Variants in ARID2 observed in about 807,000 individuals in gnomAD.
ARID2 encodes AT-rich interactive domain-containing protein 2.
A neutral mutation model predicts 184.6 loss-of-function variants in ARID2; 32 were observed. The ratio of observed to expected loss-of-function variants is 0.17; its 90% CI spans 0.13 to 0.23. The LOEUF is 0.23. ARID2 is among the 10% of genes least tolerant of loss of function. The pLI, the probability that ARID2 is intolerant of heterozygous loss-of-function variation, is 1.00. For synonymous variants in ARID2, 836 were observed against 772.6 expected (o/e 1.08, Z -1.36); for missense variants, 1,696 against 2,197.6 (o/e 0.77, Z 4.56).
chr12:45,860,774 A>G (rs1943730105), intron 15 of ARID2, 27 bp from the exon 16 acceptor site: 3 of 1,462,452 alleles, frequency 2.1e-6, no homozygotes, highest in Non-Finnish European at 2.7e-6. Flanking sequence ...GTCATGTCAC[A>G]AACTCTGCAT....
chr12:45,743,450 C>T lies in ARID2; in HGVS notation c.284+12136C>T, dbSNP rs189249973. Among the ~76,000 whole-genome samples, 307 of 152,280 alleles carry T rather than the reference C, an allele frequency of 2.0e-3. 6 individuals carry two copies. The highest frequency in any genetic ancestry group is 0.019 in the Admixed American group (287 of 15,294). Reference sequence around the variant, plus strand: ...TCACAGGTGTAGTCATAGTATATGACAGCATTGAACTCTTACTTTCAAGCA... The same window carrying T: ...TCACAGGTGTAGTCATAGTATATGATAGCATTGAACTCTTACTTTCAAGCA... On this transcript the variant is annotated intron_variant, in intron 3 of 20. Transcript: ENST00000334344.
chr12:45,771,556 C>T (rs1485951221), intron 3 of ARID2, among the ~76,000 whole-genome samples: 1 of 151,600 alleles, frequency 6.6e-6, no homozygotes, highest in African/African-American at 2.4e-5. Context: ...GCCTGTAGTC[C>T]TAGCTGCTTG....
At chr12:45,762,172 G>A (rs1941695954) in intron 3 of ARID2, among the ~76,000 whole-genome samples, 1 of 152,042 alleles carries the variant, frequency 6.6e-6, no homozygotes, top group South Asian at 2.1e-4. Context: ...GTCAGTATGT[G>A]TTTCCCTTTC....
intron 12 of ARID2, among the ~76,000 whole-genome samples, chr12:45,847,788 A>G (rs1943471535): frequency 6.6e-6 from 1 of 152,014 alleles, no homozygotes; most frequent in Non-Finnish European, 1.5e-5. Flanking sequence ...CTTTGCTTAA[A>G]TCGGGTTTAT....
At chr12:45,795,283 TCTA>T (rs139327749) in intron 3 of ARID2, among the ~76,000 whole-genome samples, 1,726 of 152,250 alleles carry the variant, frequency 0.011, 11 homozygotes, top group Non-Finnish European at 0.018. Context: ...TCACCTCAAG[TCTA>T]CTCCTGTTCT....
chr12:45,734,340 G>C (rs11615136), intron 3 of ARID2, among the ~76,000 whole-genome samples: 1 of 152,258 alleles, frequency 6.6e-6, no homozygotes, highest in African/African-American at 2.4e-5. Context: ...CTGCACTCTA[G>C]TCTGGCCGAC....
intron 20 of ARID2, among the ~76,000 whole-genome samples, chr12:45,901,960 G>C (rs1000993215): frequency 1.3e-5 from 2 of 152,306 alleles, no homozygotes; most frequent in East Asian, 1.9e-4. Flanking sequence ...TTACAGGCGT[G>C]AGCCACCACG....
At chr12:45,810,979 G>A (rs1224254021) in intron 3 of ARID2, among the ~76,000 whole-genome samples, 1 of 152,134 alleles carries the variant, frequency 6.6e-6, no homozygotes, top group Non-Finnish European at 1.5e-5. Flanking sequence ...GGAGGCCGAG[G>A]TGGGTGGGTC....
intron 3 of ARID2, among the ~76,000 whole-genome samples, chr12:45,780,431 A>G (rs1942067689): frequency 6.6e-6 from 1 of 152,078 alleles, no homozygotes; most frequent in Non-Finnish European, 1.5e-5. Flanking sequence ...TGTGATTAGT[A>G]TCTGCTTTTT....
chr12:45,883,550 G>A (rs749445753), intron 16 of ARID2, among the ~76,000 whole-genome samples: 3 of 147,314 alleles, frequency 2.0e-5, no homozygotes, highest in Non-Finnish European at 4.5e-5. Flanking sequence ...TATCTAGTAT[G>A]CTTTCAGAAT....
At chr12:45,904,365 G>A (rs1944494361) in intron 20 of ARID2, 4 of 715,894 alleles carry the variant, frequency 5.6e-6, no homozygotes, top group Non-Finnish European at 1.0e-5. Context: ...GATTGAAAAA[G>A]AATTTTGCTG....
At chr12:45,836,132 A>G (rs1211755960) in intron 6 of ARID2, among the ~76,000 whole-genome samples, 3 of 152,204 alleles carry the variant, frequency 2.0e-5, no homozygotes, top group African/African-American at 2.4e-5. Context: ...TTAATTCCCT[A>G]GAATGTAGCA....
chr12:45,903,689 G>A (rs1268182294), intron 20 of ARID2, among the ~76,000 whole-genome samples: 4 of 151,944 alleles, frequency 2.6e-5, no homozygotes, highest in Non-Finnish European at 5.9e-5. Flanking sequence ...ATTAAATTTT[G>A]ATTTTGAATT....
At chr12:45,870,206 T>G (rs1284190628) in intron 16 of ARID2, among the ~76,000 whole-genome samples, 1 of 152,094 alleles carries the variant, frequency 6.6e-6, no homozygotes, top group Non-Finnish European at 1.5e-5. Context: ...GCCAGGATGG[T>G]CTCGATCTCC....
intron 3 of ARID2, 101 bp downstream of exon 3, chr12:45,731,415 C>A: frequency 1.3e-6 from 1 of 761,384 alleles, no homozygotes; most frequent in South Asian, 1.5e-5. Flanking sequence ...CCAAACAGTT[C>A]TTAAGCTCTT....
At chr12:45,730,805 GGCCCCA>G (rs1940975315) in intron 2 of ARID2, among the ~76,000 whole-genome samples, 1 of 151,702 alleles carries the variant, frequency 6.6e-6, no homozygotes, top group Non-Finnish European at 1.5e-5. Context: ...GATCGGAATC[GGCCCCA>G]GCCCCGGCCC....
intron 11 of ARID2, among the ~76,000 whole-genome samples, chr12:45,843,393 A>C (rs1335243627): frequency 2.7e-5 from 4 of 145,512 alleles, no homozygotes; most frequent in Non-Finnish European, 6.0e-5. Context: ...TTTTTTTTCT[A>C]AAGACAGCGT....
intron 3 of ARID2, among the ~76,000 whole-genome samples, chr12:45,790,021 C>T (rs905466219): frequency 2.0e-5 from 3 of 152,058 alleles, no homozygotes; most frequent in African/African-American, 7.2e-5. Context: ...TTATGTGATT[C>T]GAATGGAAAT....
intron 3 of ARID2, among the ~76,000 whole-genome samples, chr12:45,748,712 A>G (rs192513581): frequency 6.6e-6 from 1 of 152,240 alleles, no homozygotes; most frequent in East Asian, 1.9e-4. Flanking sequence ...TTATCAACTA[A>G]ATTTATATAC....
Sources: gnomAD v4.1 joint callset for allele counts (sites outside exome capture counted in the v4.1 genomes callset) on GRCh38, gnomAD v4.1.1 for gene constraint, MANE v1.5 for transcripts, NCBI Gene and HGNC (gene_info 2026-07-23, HGNC 2026-07-21) for gene names.